PCDHGA9: variants seen among roughly 807,000 people sequenced by gnomAD.
PCDHGA9 encodes protocadherin gamma subfamily A, 9.
PCDHGA9 carries 37 observed loss-of-function variants against 62.5 expected under a neutral mutation model. That is an observed-to-expected ratio of 0.59 (90% CI 0.46 to 0.78). The LOEUF (loss-of-function observed/expected upper bound fraction) is 0.78, where lower values mean the gene tolerates loss of function less well. PCDHGA9 is among the 30% of genes least tolerant of loss of function. The probability of loss-of-function intolerance (pLI) is 0.00; values close to 1 mark genes in which losing one functional copy is unlikely to be tolerated. For missense variants in PCDHGA9, 1,138 were observed against 1,166.2 expected (o/e 0.98, Z 0.35); for synonymous variants, 459 against 484.6 (o/e 0.95, Z 0.69).
At chr5:141,438,741 A>T (rs1184994731) in intron 1 of PCDHGA9, among the ~76,000 whole-genome samples, 3 of 148,914 alleles carry the variant, frequency 2.0e-5, no homozygotes, top group South Asian at 2.1e-4. Context: ...AGCTCACTGC[A>T]ACCTCTGCCT....
intron 1 of PCDHGA9, among the ~76,000 whole-genome samples, chr5:141,469,923 G>A (rs1251812588): frequency 1.3e-5 from 2 of 152,200 alleles, no homozygotes; most frequent in Non-Finnish European, 2.9e-5. Flanking sequence ...CCGAGGTCAG[G>A]AGTTTGAGAC....
intron 1 of PCDHGA9, among the ~76,000 whole-genome samples, chr5:141,460,951 G>GTATATA (rs200454978): frequency 7.2e-6 from 1 of 139,722 alleles, no homozygotes; most frequent in African/African-American, 2.8e-5. Flanking sequence ...TATGTATTAT[G>GTATATA]TATATATATA....
At chr5:141,458,854 T>G (rs2098955098) in intron 1 of PCDHGA9, among the ~76,000 whole-genome samples, 1 of 152,182 alleles carries the variant, frequency 6.6e-6, no homozygotes, top group South Asian at 2.1e-4. Flanking sequence ...CACCTCAGCC[T>G]TCCAAGTAGC....
chr5:141,486,162 T>G lies in PCDHGA9; in HGVS notation c.2425-8645T>G, dbSNP rs763023343. ...GCTCGCGATGGGGGTTCTCCAGCCA[T>G]GGAGCAACATTGCAGCCTTCGAGTG... On this transcript the variant is annotated intron_variant, in intron 1 of 3. Coordinates refer to ENST00000573521, the MANE Select transcript of PCDHGA9 (RefSeq NM_018921.3). The surrounding 1 kb of genome is among the most constrained non-coding windows in gnomAD (Gnocchi z 5.0). The G allele has an allele frequency of 6.2e-7, 1 of 1,614,170 alleles. No individual in the cohort carries two copies. Among genetic ancestry groups the G allele is most frequent in the Non-Finnish European group, 8.5e-7 (1 of 1,180,026 alleles).
chr5:141,433,228 C>G (rs2097577964), intron 1 of PCDHGA9: 7 of 1,522,184 alleles, frequency 4.6e-6, no homozygotes, highest in Non-Finnish European at 5.4e-6. Flanking sequence ...TTTAATTGCT[C>G]TGTCTCCCAA....
At chr5:141,428,141 G>C (rs1314061143) in intron 1 of PCDHGA9, 2 of 1,596,500 alleles carry the variant, frequency 1.3e-6, no homozygotes, top group African/African-American at 2.7e-5. Context: ...GCCTGGGGCT[G>C]CACACGGGAA....
intron 1 of PCDHGA9, chr5:141,441,330 C>T (rs919906372): frequency 8.5e-5 from 13 of 152,170 alleles, no homozygotes; most frequent in Admixed American, 1.3e-4. Context: ...AATCTTCCTC[C>T]AATAATTAAC....
chr5:141,483,637 G>C (rs1365525499), intron 1 of PCDHGA9, among the ~76,000 whole-genome samples: 2 of 145,762 alleles, frequency 1.4e-5, no homozygotes. Context: ...AAGGTATAGA[G>C]GGGTGTGTGT....
Position 141,419,064 on chromosome 5 carries a change from A to G in PCDHGA9, c.2424+13688A>G, listed in dbSNP as rs149057484. ...ATTCATTCTTCTTCTAATAATTACT[A>G]CAAGCTAGTAACAGATGAGGCCCTG... On this transcript the variant is annotated intron_variant, in intron 1 of 3. Transcript: ENST00000573521. 51 of 1,613,962 alleles carry G rather than the reference A, an allele frequency of 3.2e-5. No homozygotes were observed. In the African/African-American group the frequency reaches 5.9e-4, roughly 19 times the overall value.
chr5:141,491,898 G>A lies in PCDHGA9; in HGVS notation c.2425-2909G>A, dbSNP rs772673872. 1.6e-5 allele frequency: 23 copies of A among 1,428,816 alleles called. No homozygotes were observed. The highest frequency in any genetic ancestry group is 3.0e-5 in the South Asian group (2 of 66,966). The allele number at this position is 1,428,816 out of a possible 1,614,324, so 88.5% of individuals were successfully genotyped here. A position where few individuals can be genotyped will look rare whatever the true frequency, so the allele number is the denominator to read the frequency against. ...ATTAAGGGATGGGGCTCCGAGCACC[G>A]GGGGTGGTGGCGACTGTGGGCGAGG... On this transcript the variant is annotated intron_variant, in intron 1 of 3. Coordinates refer to ENST00000573521, the MANE Select transcript of PCDHGA9 (RefSeq NM_018921.3). This position sits in a 1 kb window ranked among gnomAD's most constrained non-coding sequence, Gnocchi z 6.9.
intron 1 of PCDHGA9, chr5:141,427,676 T>G: frequency 1.2e-6 from 1 of 813,766 alleles, no homozygotes; most frequent in Non-Finnish European, 2.1e-6. Flanking sequence ...AAAACAACCT[T>G]CCCGGAGCCT....
intron 1 of PCDHGA9, chr5:141,410,268 A>C: frequency 6.2e-7 from 1 of 1,613,994 alleles, no homozygotes. Context: ...GCTGAACTGC[A>C]GTTTTACCTG....
chr5:141,497,892 C>T (rs2099780275), intron 2 of PCDHGA9, among the ~76,000 whole-genome samples: 1 of 152,138 alleles, frequency 6.6e-6, no homozygotes, highest in Admixed American at 6.6e-5. Flanking sequence ...AGGATCTAGT[C>T]CAGTAACTTC....
intron 1 of PCDHGA9, among the ~76,000 whole-genome samples, chr5:141,481,443 C>T (rs971405190): frequency 1.3e-5 from 2 of 152,174 alleles, no homozygotes; most frequent in African/African-American, 4.8e-5. Flanking sequence ...CAGTTTAGTA[C>T]ATGTAAATAC....
intron 1 of PCDHGA9, among the ~76,000 whole-genome samples, chr5:141,437,093 C>T (rs1382920904): frequency 2.6e-5 from 4 of 152,136 alleles, no homozygotes; most frequent in East Asian, 1.9e-4. Flanking sequence ...TTGAAACTAA[C>T]GGCTTAGCTT....
intron 1 of PCDHGA9, among the ~76,000 whole-genome samples, chr5:141,488,190 G>A (rs1162264945): frequency 1.3e-5 from 2 of 152,164 alleles, no homozygotes; most frequent in African/African-American, 4.8e-5. Flanking sequence ...CTTTTGGTCT[G>A]GGTCTTAGGA....
At chr5:141,425,248 G>GGCTGGGAAA (rs2096864506) in intron 1 of PCDHGA9, among the ~76,000 whole-genome samples, 1 of 152,178 alleles carries the variant, frequency 6.6e-6, no homozygotes, top group Non-Finnish European at 1.5e-5. Context: ...AAAAGGATAT[G>GGCTGGGAAA]AGGTATTTGG....
rs756146067 is a variant in PCDHGA9, at chr5:141,477,534, G to C, written c.2425-17273G>C. On this transcript the variant is annotated intron_variant, in intron 1 of 3. Transcript: ENST00000573521. This position sits in a 1 kb window ranked among gnomAD's most constrained non-coding sequence, Gnocchi z 4.9. ...TACATTGAAGAAAACAACCTCCCCG[G>C]GGCTCCAATACTAAACCTAAGTGTC... 1.9e-6 allele frequency: 3 copies of C among 1,614,008 alleles called. No homozygotes were observed. Among genetic ancestry groups the C allele is most frequent in the East Asian group, 4.5e-5 (2 of 44,870 alleles).
Position 141,490,400 on chromosome 5 carries a change from T to A in PCDHGA9, c.2425-4407T>A. On this transcript the variant is annotated intron_variant, in intron 1 of 3. Coordinates refer to ENST00000573521, the MANE Select transcript of PCDHGA9 (RefSeq NM_018921.3). This position sits in a 1 kb window ranked among gnomAD's most constrained non-coding sequence, Gnocchi z 5.4. ...TCAGGTAGAAATGGTGAAGTGAGCC[T>A]TGATATCTCTCCGGACCTGCCATTT... The A allele has an allele frequency of 6.2e-7, 1 of 1,614,202 alleles. No homozygotes were observed. Among genetic ancestry groups the A allele is most frequent in the Non-Finnish European group, 8.5e-7 (1 of 1,180,032 alleles).
Sources: gnomAD v4.1 joint callset for allele counts (sites outside exome capture counted in the v4.1 genomes callset) on GRCh38, gnomAD v4.1.1 for gene constraint, Gnocchi (gnomAD v3.1) non-coding constraint, MANE v1.5 for transcripts, NCBI Gene and HGNC (gene_info 2026-07-23, HGNC 2026-07-21) for gene names.